SBF2: variants seen among roughly 807,000 people sequenced by gnomAD.
The protein encoded by SBF2 is SET binding factor 2.
A neutral mutation model predicts 225.2 loss-of-function variants in SBF2; 112 were observed. That is an observed-to-expected ratio of 0.50 (90% CI 0.43 to 0.58). The LOEUF is 0.58. Ranked by LOEUF, SBF2 falls within the 20% of genes least tolerant of loss-of-function variation. The probability of loss-of-function intolerance (pLI) is 0.00; values close to 1 mark genes in which losing one functional copy is unlikely to be tolerated. For synonymous variants in SBF2, 763 were observed against 773.3 expected (o/e 0.99, Z 0.22); for missense variants, 1,996 against 2,206.2 (o/e 0.90, Z 1.91).
chr11:10,059,280 G>A (rs979531277), intron 2 of SBF2, among the ~76,000 whole-genome samples: 3 of 152,118 alleles, frequency 2.0e-5, no homozygotes, highest in African/African-American at 7.2e-5. Flanking sequence ...CCCATCTCAT[G>A]TGTAATGACA....
chr11:10,119,399 T>C (rs1953324087), intron 2 of SBF2, among the ~76,000 whole-genome samples: 1 of 152,160 alleles, frequency 6.6e-6, no homozygotes, highest in Admixed American at 6.5e-5. Flanking sequence ...AATAAAGGCA[T>C]AAGCAACAAA....
At chr11:10,035,688 G>T (rs1171021488) in intron 3 of SBF2, among the ~76,000 whole-genome samples, 2 of 152,204 alleles carry the variant, frequency 1.3e-5, no homozygotes, top group African/African-American at 4.8e-5. Flanking sequence ...GGTCATCAGA[G>T]AAATGCAAAT....
chr11:9,996,215 CTAGT>C (rs1295433194), intron 9 of SBF2, among the ~76,000 whole-genome samples: 3 of 152,102 alleles, frequency 2.0e-5, no homozygotes, highest in Admixed American at 2.0e-4. Context: ...ATTCATATCA[CTAGT>C]AAGTAACCAC....
At chr11:10,089,213 A>G (rs1951687805) in intron 2 of SBF2, among the ~76,000 whole-genome samples, 1 of 152,170 alleles carries the variant, frequency 6.6e-6, no homozygotes, top group Admixed American at 6.5e-5. Context: ...TCCCACCTTT[A>G]AGTCTCCAAT....
At chr11:10,298,109 G>T (rs558390550), upstream of SBF2, among the ~76,000 whole-genome samples, 2 of 152,368 alleles carry the variant, frequency 1.3e-5, no homozygotes, top group Admixed American at 1.3e-4. Context: ...AGACGAAATA[G>T]ATGGAATGCG....
At chr11:9,937,836 A>C (rs927380755) in intron 16 of SBF2, among the ~76,000 whole-genome samples, 1 of 152,134 alleles carries the variant, frequency 6.6e-6, no homozygotes. Context: ...CTGAAAATGG[A>C]AACAGAAAAA....
intron 1 of SBF2, among the ~76,000 whole-genome samples, chr11:10,299,944 G>T (rs1194344496): frequency 6.6e-6 from 1 of 152,174 alleles, no homozygotes; most frequent in Non-Finnish European, 1.5e-5. Context: ...ATGTCGGAAA[G>T]GGTCCTATTT....
At chr11:9,804,964 G>A (rs923614656) in intron 32 of SBF2, among the ~76,000 whole-genome samples, 3 of 152,112 alleles carry the variant, frequency 2.0e-5, no homozygotes, top group Admixed American at 2.0e-4. Context: ...TAAAATATTA[G>A]CTGGGCATGG....
At position 10,236,483 on chromosome 11, in the gene SBF2, G is replaced by A. The variant is rs147258448; in HGVS notation, c.56-42496C>T. Reference sequence around the variant, plus strand: ...CTCTTTTTTTTTGTTTTTTTGAGACGGAGTCTCACTCTGTTACCCAGGCTG... The same window carrying A: ...CTCTTTTTTTTTGTTTTTTTGAGACAGAGTCTCACTCTGTTACCCAGGCTG... On this transcript the variant is annotated intron_variant, in intron 1 of 39. Coordinates refer to ENST00000256190, the MANE Select transcript of SBF2 (RefSeq NM_030962.4). Among the ~76,000 whole-genome samples, 205 of 151,924 alleles carry A rather than the reference G, an allele frequency of 1.3e-3. 3 individuals are homozygous for A. In the East Asian group the frequency reaches 0.026, roughly 20 times the overall value.
intron 30 of SBF2, among the ~76,000 whole-genome samples, chr11:9,809,700 G>A (rs1406643983): frequency 6.6e-6 from 1 of 151,738 alleles, no homozygotes; most frequent in African/African-American, 2.4e-5. Context: ...GCATACCAGT[G>A]CACCCGGCTA....
intron 1 of SBF2, among the ~76,000 whole-genome samples, chr11:10,232,392 C>T (rs574933771): frequency 7.9e-5 from 12 of 152,278 alleles, no homozygotes; most frequent in Admixed American, 1.3e-4. Flanking sequence ...CCATCTTCTG[C>T]GTCGCTCACG....
chr11:9,838,255 C>G (rs1855865881), intron 26 of SBF2: 1 of 151,498 alleles, frequency 6.6e-6, no homozygotes, highest in Non-Finnish European at 1.5e-5. Context: ...CTGCTAATAA[C>G]TTAATGGATA....
intron 2 of SBF2, among the ~76,000 whole-genome samples, chr11:10,154,086 C>T (rs1955353332): frequency 6.6e-6 from 1 of 151,988 alleles, no homozygotes; most frequent in African/African-American, 2.4e-5. Flanking sequence ...TACAATGTGT[C>T]TTCAAGTTAA....
intron 16 of SBF2, among the ~76,000 whole-genome samples, chr11:9,920,725 C>T (rs964318467): frequency 1.3e-5 from 2 of 152,044 alleles, no homozygotes; most frequent in African/African-American, 4.8e-5. Context: ...GCCAATTTCC[C>T]GAAACAAAAG....
At chr11:10,006,480 A>C (rs1331376083) in intron 6 of SBF2, among the ~76,000 whole-genome samples, 2 of 152,128 alleles carry the variant, frequency 1.3e-5, no homozygotes, top group Non-Finnish European at 2.9e-5. Flanking sequence ...TTCCACCCAC[A>C]TAGGGCCTCA....
In SBF2 at chr11:10,062,493, GAGA is replaced by G. The variant is rs370197978; in HGVS notation, c.142-19515_142-19513del. On this transcript the variant is annotated intron_variant, in intron 2 of 39. Transcript: ENST00000256190. ...ATAAGGAACTTAAACAAATTTATAA[GAGA>G]AGAACAAACAACCTCATTAAAAAGT... Among the ~76,000 whole-genome samples the G allele has an allele frequency of 3.3e-3, 504 of 152,106 alleles. 4 individuals carry two copies. The highest frequency in any genetic ancestry group is 0.012 in the African/African-American group (480 of 41,466).
chr11:10,179,361 AC>A (rs1440081952), intron 2 of SBF2, among the ~76,000 whole-genome samples: 4 of 151,008 alleles, frequency 2.6e-5, no homozygotes, highest in Non-Finnish European at 1.5e-5. Flanking sequence ...AAATTAAAAA[AC>A]AAACAAAAAA....
At chr11:9,977,492 G>GA (rs200092202) in intron 13 of SBF2, among the ~76,000 whole-genome samples, 31,085 of 120,676 alleles carry the variant, frequency 0.26, 3,604 homozygotes, top group East Asian at 0.47. Context: ...GTCTCTTTAA[G>GA]AAAAAAAAAA....
intron 32 of SBF2, among the ~76,000 whole-genome samples, chr11:9,801,931 T>C (rs1283649072): frequency 6.6e-6 from 1 of 152,236 alleles, no homozygotes; most frequent in Non-Finnish European, 1.5e-5. Context: ...AGCTTTTTTC[T>C]TTGGGGTAGG....
Sources: gnomAD v4.1 joint callset for allele counts (sites outside exome capture counted in the v4.1 genomes callset) on GRCh38, gnomAD v4.1.1 for gene constraint, MANE v1.5 for transcripts, NCBI Gene and HGNC (gene_info 2026-07-23, HGNC 2026-07-21) for gene names.